The following GRID1 variants were observed in gnomAD, a reference collection of about 807,000 sequenced individuals.
The protein encoded by GRID1 is glutamate ionotropic receptor delta type subunit 1, also known as glutamate receptor ionotropic, delta-1.
A neutral mutation model predicts 98.0 loss-of-function variants in GRID1; 28 were observed. That is an observed-to-expected ratio of 0.29 (90% CI 0.21 to 0.39). The LOEUF (loss-of-function observed/expected upper bound fraction) is 0.39, where lower values mean the gene tolerates loss of function less well. Among genes scored for constraint, GRID1 ranks in the 10% least tolerant of loss-of-function variants. The pLI, the probability that GRID1 is intolerant of heterozygous loss-of-function variation, is 1.00. For missense variants in GRID1, 1,111 were observed against 1,340.5 expected (o/e 0.83, Z 2.67); for synonymous variants, 553 against 538.5 (o/e 1.03, Z -0.37).
At chr10:85,743,487 G>C (rs747400505) in intron 8 of GRID1, among the ~76,000 whole-genome samples, 6 of 152,104 alleles carry the variant, frequency 3.9e-5, no homozygotes, top group Non-Finnish European at 8.8e-5. Context: ...TGGAAATACA[G>C]TGTTACAATA....
intron 12 of GRID1, among the ~76,000 whole-genome samples, chr10:85,667,324 G>C (rs977587092): frequency 6.9e-4 from 102 of 148,890 alleles, no homozygotes; most frequent in African/African-American, 2.5e-3. Context: ...CACAGAGAGA[G>C]AGAGAGAGAG....
chr10:86,330,104 C>A (rs533515291), intron 2 of GRID1, among the ~76,000 whole-genome samples: 1 of 152,130 alleles, frequency 6.6e-6, no homozygotes, highest in African/African-American at 2.4e-5. Flanking sequence ...GTATCATGGA[C>A]GAGACCGTGA....
chr10:86,058,645 G>A (rs760109023), intron 4 of GRID1, among the ~76,000 whole-genome samples: 5 of 152,174 alleles, frequency 3.3e-5, no homozygotes, highest in South Asian at 2.1e-4. Context: ...AGAGACCTGC[G>A]GGAGGGGATT....
At chr10:86,067,099 T>G (rs1379015533) in intron 4 of GRID1, among the ~76,000 whole-genome samples, 1 of 152,240 alleles carries the variant, frequency 6.6e-6, no homozygotes, top group African/African-American at 2.4e-5. Flanking sequence ...GCACGCAGGA[T>G]GCCTTCGCCA....
intron 3 of GRID1, among the ~76,000 whole-genome samples, chr10:86,167,393 T>G (rs1845416042): frequency 6.6e-6 from 1 of 152,050 alleles, no homozygotes; most frequent in Non-Finnish European, 1.5e-5. Flanking sequence ...CCAGAATATG[T>G]GCTTGCCCAC....
chr10:85,743,264 C>A (rs12763937), intron 8 of GRID1, among the ~76,000 whole-genome samples: 17,482 of 152,094 alleles, frequency 0.11, 1,073 homozygotes, highest in Non-Finnish European at 0.13. Flanking sequence ...TGCCAAAGCA[C>A]TAGACATGTG....
At position 86,165,529 on chromosome 10, in the gene GRID1, C is replaced by A. The variant is rs191102937; in HGVS notation, c.521-26505G>T. Among the ~76,000 whole-genome samples, 5 of 152,188 alleles carry A rather than the reference C, an allele frequency of 3.3e-5. No homozygotes were observed. In the South Asian group the frequency reaches 1.0e-3, roughly 32 times the overall value. On this transcript the variant is annotated intron_variant, in intron 3 of 15. Coordinates refer to ENST00000327946, the MANE Select transcript of GRID1 (RefSeq NM_017551.3). ...GTTGAGCCAGGGCTGAGGGCCCACC[C>A]CTGCTGAAGCCCAGGGCCAAAGAGG...
chr10:85,965,872 T>A (rs771060991), intron 4 of GRID1, among the ~76,000 whole-genome samples: 11 of 152,076 alleles, frequency 7.2e-5, no homozygotes, highest in Non-Finnish European at 1.6e-4. Context: ...TCCCAGCTAA[T>A]CCTTGGTAAG....
intron 4 of GRID1, among the ~76,000 whole-genome samples, chr10:86,083,040 C>T (rs1843999561): frequency 6.6e-6 from 1 of 152,202 alleles, no homozygotes; most frequent in Admixed American, 6.5e-5. Context: ...TTTGTCACTA[C>T]ACCCAGCACA....
intron 8 of GRID1, among the ~76,000 whole-genome samples, chr10:85,788,927 G>C (rs1842454005): frequency 6.6e-6 from 1 of 152,122 alleles, no homozygotes; most frequent in African/African-American, 2.4e-5. Context: ...GTGGGTACAT[G>C]CATTTGTATA....
At chr10:85,997,383 A>G (rs1295195942) in intron 4 of GRID1, among the ~76,000 whole-genome samples, 2 of 150,918 alleles carry the variant, frequency 1.3e-5, no homozygotes, top group Non-Finnish European at 3.0e-5. Context: ...TGGGCAACAG[A>G]GCGAGACTCC....
intron 4 of GRID1, among the ~76,000 whole-genome samples, chr10:86,120,428 G>A (rs1844648694): frequency 6.6e-6 from 1 of 152,280 alleles, no homozygotes; most frequent in Admixed American, 6.5e-5. Context: ...TACCTATTCT[G>A]TATTATCGTT....
chr10:86,124,763 A>T (rs1228913732), intron 4 of GRID1, among the ~76,000 whole-genome samples: 3 of 152,180 alleles, frequency 2.0e-5, no homozygotes, highest in Non-Finnish European at 4.4e-5. Flanking sequence ...ATTAATATCG[A>T]ATCCATTTCA....
intron 5 of GRID1, among the ~76,000 whole-genome samples, chr10:85,877,932 G>A (rs1393435937): frequency 6.6e-6 from 1 of 152,186 alleles, no homozygotes; most frequent in East Asian, 1.9e-4. Flanking sequence ...TAAAGGAGCT[G>A]ATGGAGCTGA....
intron 4 of GRID1, among the ~76,000 whole-genome samples, chr10:86,073,086 T>C (rs780433834): frequency 1.9e-4 from 29 of 152,216 alleles, no homozygotes; most frequent in Non-Finnish European, 4.0e-4. Context: ...AGTTGTTTGT[T>C]AGTAATTAAA....
chr10:85,935,929 A>G (rs1373431661), intron 4 of GRID1, among the ~76,000 whole-genome samples: 1 of 152,220 alleles, frequency 6.6e-6, no homozygotes, highest in Non-Finnish European at 1.5e-5. Context: ...TAGTTTTGGC[A>G]TGCCTAATAA....
At chr10:85,776,372 C>T (rs901111281) in intron 8 of GRID1, among the ~76,000 whole-genome samples, 4 of 152,170 alleles carry the variant, frequency 2.6e-5, no homozygotes. Flanking sequence ...GTAGAGCAGA[C>T]AATTGATAGC....
At chr10:85,622,658 T>C (rs1359824349) in intron 13 of GRID1, among the ~76,000 whole-genome samples, 4 of 152,198 alleles carry the variant, frequency 2.6e-5, no homozygotes, top group Non-Finnish European at 4.4e-5. Flanking sequence ...TGATGGGAGC[T>C]GGAGGTAGGC....
At chr10:85,611,949 C>T (rs750879903) in intron 15 of GRID1, among the ~76,000 whole-genome samples, 2 of 152,220 alleles carry the variant, frequency 1.3e-5, no homozygotes, top group Non-Finnish European at 1.5e-5. Flanking sequence ...TTCTGAGCTC[C>T]AGGGGTGATA....
Sources: allele counts gnomAD v4.1 joint callset (sites outside exome capture counted in the v4.1 genomes callset), GRCh38; gene constraint gnomAD v4.1.1; transcripts MANE v1.5; gene names NCBI Gene and HGNC (gene_info 2026-07-23, HGNC 2026-07-21).